Variants in RPL37 observed in about 807,000 individuals in gnomAD.
RPL37 encodes large ribosomal subunit protein eL37.
A neutral mutation model predicts 14.8 loss-of-function variants in RPL37; 1 was observed. That is an observed-to-expected ratio of 0.07 (90% confidence interval 0.02 to 0.32). The LOEUF is 0.32. Ranked by LOEUF, RPL37 falls within the 10% of genes least tolerant of loss-of-function variation. RPL37 has a pLI of 1.00. For synonymous variants in RPL37, 53 were observed against 45.8 expected, an observed-to-expected ratio of 1.16 and a Z score of -0.63; for missense variants, 100 against 128.3, an observed-to-expected ratio of 0.78 and a Z score of 1.06.
rs1745597462 is a variant in RPL37, at chr5:40,829,698, TCAA to T, written c.*2803_*2805del. 6.7e-6 allele frequency: 1 copy of T among 149,256 alleles called. No individual in the cohort carries two copies. Among genetic ancestry groups the T allele is most frequent in the African/African-American group, 2.5e-5 (1 of 40,472 alleles). 9.2% of individuals were successfully genotyped at this position (149,256 alleles called of 1,614,324 possible). A position where few individuals can be genotyped will look rare whatever the true frequency, so the allele number is the denominator to read the frequency against. ...GTGTGTATATATATATATATATATA[TCAA>T]CAATATATAATTGTGTCTCAATTAG... On this transcript the variant is annotated 3_prime_UTR_variant, in exon 4 of 4. Transcript: ENST00000274242.
In RPL37 at chr5:40,834,462, G is replaced by T; in HGVS notation, c.139+9C>A. ...AGCTAACACAGTTGGCCTGAAAAAT[G>T]TTACTTACACTTTCTCTTGCGCTTG... On this transcript the variant is annotated intron_variant, in intron 2 of 3. Transcript: ENST00000274242. 1 of 1,610,236 alleles carries T rather than the reference G, an allele frequency of 6.2e-7. No homozygotes were observed. Among genetic ancestry groups the T allele is most frequent in the Non-Finnish European group, 8.5e-7 (1 of 1,179,006 alleles).
chr5:40,835,203 G>C lies in RPL37; in HGVS notation c.-18C>G. 6.2e-7 allele frequency: 1 copy of C among 1,613,950 alleles called. No individual in the cohort carries two copies. Among genetic ancestry groups the C allele is most frequent in the East Asian group, 2.2e-5 (1 of 44,880 alleles). On this transcript the variant is annotated 5_prime_UTR_variant, in exon 1 of 4. Transcript: ENST00000274242. The stretch of plus-strand genomic sequence containing the variant: ...CTCACCATCTCGCTTCTGCGGCCGA[G>C]ACCAGAAAGACCGGAAGAGAAGGCA...
chr5:40,834,142 G>A lies in RPL37; in HGVS notation c.224+39C>T. 4.3e-6 allele frequency: 6 copies of A among 1,386,504 alleles called. No homozygotes were observed. In the South Asian group the frequency reaches 4.6e-5, roughly 11 times the overall value. 85.9% of individuals were successfully genotyped at this position (1,386,504 alleles called of 1,614,324 possible). Reference sequence around the variant, plus strand: ...AAGTAAACACGAGGGTTTCATTCAAGCCCACTGGACCAATTATGATCGAAC... The same window carrying A: ...AAGTAAACACGAGGGTTTCATTCAAACCCACTGGACCAATTATGATCGAAC... On this transcript the variant is annotated intron_variant, in intron 3 of 3. Coordinates refer to ENST00000274242, the MANE Select transcript of RPL37 (RefSeq NM_000997.5).
rs1336263171 is a variant in RPL37 at position 40,829,968 on chromosome 5, A to G, written c.*2536T>C. 1.3e-5 allele frequency: 2 copies of G among 152,000 alleles called. No individual in the cohort carries two copies. Among genetic ancestry groups the G allele is most frequent in the Admixed American group, 1.3e-4 (2 of 15,238 alleles). 9.4% of individuals were successfully genotyped at this position (152,000 alleles called of 1,614,324 possible). On this transcript the variant is annotated 3_prime_UTR_variant, in exon 4 of 4. Transcript: ENST00000274242. ...GCGACTATAGGACGTGAGCTACCGT[A>G]CCCGGCCGCCACAGATTCAACCTTT...
chr5:40,832,632 A>G (rs1561208285), intron 3 of RPL37, 59 bp from the exon 4 acceptor site: 1 of 1,325,554 alleles, frequency 7.5e-7, no homozygotes, highest in Admixed American at 1.7e-5. Flanking sequence ...ATACATTTTA[A>G]TTTTTGTTAA....
rs995772219 is a variant in RPL37 at position 40,826,019 on chromosome 5, C to T, written c.*6485G>A. 6.6e-6 allele frequency: 1 copy of T among 152,182 alleles called. No individual in the cohort carries two copies. The highest frequency in any genetic ancestry group is 1.5e-5 in the Non-Finnish European group (1 of 68,046). 9.4% of individuals were successfully genotyped at this position (152,182 alleles called of 1,614,324 possible). A position where few individuals can be genotyped will look rare whatever the true frequency, so the allele number is the denominator to read the frequency against. ...CCTCCGCACCCGGCCGCTCCTCAGT[C>T]AATTCTAAACAACTGTCCTCACTTG... On this transcript the variant is annotated 3_prime_UTR_variant, in exon 4 of 4. Transcript: ENST00000274242.
At chr5:40,833,078 A>G (rs1743377425) in intron 3 of RPL37, among the ~76,000 whole-genome samples, 1 of 152,230 alleles carries the variant, frequency 6.6e-6, no homozygotes. Flanking sequence ...GCTTCAGTTC[A>G]AGCTCTTAAC....
rs375712094 is a variant in RPL37 at position 40,834,144 on chromosome 5, C to G, written c.224+37G>C. The G allele has an allele frequency of 1.8e-5, 26 of 1,413,334 alleles. No individual in the cohort carries two copies. The African/African-American group carries it at 3.1e-4, about 17-fold the overall frequency. The allele number at this position is 1,413,334 out of a possible 1,614,324, so 87.5% of individuals were successfully genotyped here. On this transcript the variant is annotated intron_variant, in intron 3 of 3. Coordinates refer to ENST00000274242, the MANE Select transcript of RPL37 (RefSeq NM_000997.5). ...GTAAACACGAGGGTTTCATTCAAGC[C>G]CACTGGACCAATTATGATCGAACAT...
At chr5:40,832,950 T>C (rs1311681977) in intron 3 of RPL37, among the ~76,000 whole-genome samples, 2 of 152,238 alleles carry the variant, frequency 1.3e-5, no homozygotes, top group African/African-American at 4.8e-5. Flanking sequence ...AATTAGCATG[T>C]TTAATGGCAG....
At position 40,828,139 on chromosome 5, in the gene RPL37, C is replaced by G. The variant is rs1249638120; in HGVS notation, c.*4365G>C. On this transcript the variant is annotated 3_prime_UTR_variant, in exon 4 of 4. Transcript: ENST00000274242. Reference sequence around the variant, plus strand: ...TACAGGCAAGGTTAAACTCTGCAAGCAACCCAAAACTCAAAAAGGGCTGAA... The same window carrying G: ...TACAGGCAAGGTTAAACTCTGCAAGGAACCCAAAACTCAAAAAGGGCTGAA... 6.6e-6 allele frequency: 1 copy of G among 152,104 alleles called. No individual in the cohort carries two copies. The highest frequency in any genetic ancestry group is 1.9e-4 in the East Asian group (1 of 5,198). 9.4% of individuals were successfully genotyped at this position (152,104 alleles called of 1,614,324 possible).
At position 40,834,273 on chromosome 5, in the gene RPL37, A is replaced by AT; in HGVS notation, c.140-9dup. 2 of 1,613,328 alleles carry AT rather than the reference A, an allele frequency of 1.2e-6. No homozygotes were observed. The highest frequency in any genetic ancestry group is 1.3e-5 in the African/African-American group (1 of 75,034). ...CCTTGGCACTCCAGTTATCTAAAACATAAGTTCAGAAAAGATTTCAAACGG... is the reference window on the plus strand; with the variant it reads ...CCTTGGCACTCCAGTTATCTAAAACATTAAGTTCAGAAAAGATTTCAAACGG... On this transcript the variant is annotated splice_polypyrimidine_tract_variant and intron_variant, in intron 2 of 3. Transcript: ENST00000274242.
At chr5:40,833,810 C>T (rs1018788114) in intron 3 of RPL37, 4 of 176,060 alleles carry the variant, frequency 2.3e-5, no homozygotes, top group East Asian at 1.7e-4. Context: ...AAGATAAAAG[C>T]TTTCAACATC....
Position 40,826,244 on chromosome 5 carries a change from A to G in RPL37, c.*6260T>C, listed in dbSNP as rs1745515297. 1 of 152,214 alleles carries G rather than the reference A, an allele frequency of 6.6e-6. No homozygotes were observed. Among genetic ancestry groups the G allele is most frequent in the Non-Finnish European group, 1.5e-5 (1 of 68,040 alleles). The allele number at this position is 152,214 out of a possible 1,614,324, so 9.4% of individuals were successfully genotyped here. On this transcript the variant is annotated 3_prime_UTR_variant, in exon 4 of 4. Coordinates refer to ENST00000274242, the MANE Select transcript of RPL37 (RefSeq NM_000997.5). ...GCTACATAAATATAACCTTATTAGA[A>G]TGGGATTTTTCCTACTTTGGGTAAC...
rs1270403298 is a variant in RPL37, at chr5:40,828,094, T to C, written c.*4410A>G. On this transcript the variant is annotated 3_prime_UTR_variant, in exon 4 of 4. Transcript: ENST00000274242. The stretch of plus-strand genomic sequence containing the variant: ...GCTTTTCTTACATGAAGTTATGCTA[T>C]TACAAAATTAAGTTTCAATTACAGG... 6.6e-6 allele frequency: 1 copy of C among 152,188 alleles called. No individual in the cohort carries two copies. Among genetic ancestry groups the C allele is most frequent in the Admixed American group, 6.5e-5 (1 of 15,274 alleles). The allele number at this position is 152,188 out of a possible 1,614,324, so 9.4% of individuals were successfully genotyped here.
chr5:40,827,650 G>T lies in RPL37; in HGVS notation c.*4854C>A, dbSNP rs1374582000. The T allele has an allele frequency of 8.6e-5, 13 of 151,838 alleles. No homozygotes were observed. Among genetic ancestry groups the T allele is most frequent in the Admixed American group, 7.9e-4 (12 of 15,252 alleles). The allele number at this position is 151,838 out of a possible 1,614,324, so 9.4% of individuals were successfully genotyped here. A position where few individuals can be genotyped will look rare whatever the true frequency, so the allele number is the denominator to read the frequency against. Reference sequence around the variant, plus strand: ...TTATTCTACATACTCGTGTACATGAGAACCATTTTTCCATTGCAACTTTTC... The same window carrying T: ...TTATTCTACATACTCGTGTACATGATAACCATTTTTCCATTGCAACTTTTC... On this transcript the variant is annotated 3_prime_UTR_variant, in exon 4 of 4. Coordinates refer to ENST00000274242, the MANE Select transcript of RPL37 (RefSeq NM_000997.5).
chr5:40,835,065 T>G (rs564721456), intron 1 of RPL37, 118 bp downstream of exon 1: 1 of 1,441,736 alleles, frequency 6.9e-7, no homozygotes. Flanking sequence ...CGCATGCCTC[T>G]TTCCAGCCCA....
rs1745598859 is a variant in RPL37, at chr5:40,829,746, C to T, written c.*2758G>A. ...AATTAGAGGTGAGGCCTCTGCAGCT[C>T]ACCGCAACCTCCGTCTCCCAGGTTC... On this transcript the variant is annotated 3_prime_UTR_variant, in exon 4 of 4. Coordinates refer to ENST00000274242, the MANE Select transcript of RPL37 (RefSeq NM_000997.5). The T allele has an allele frequency of 6.6e-6, 1 of 152,004 alleles. No homozygotes were observed. The highest frequency in any genetic ancestry group is 2.4e-5 in the African/African-American group (1 of 41,342). The allele number at this position is 152,004 out of a possible 1,614,324, so 9.4% of individuals were successfully genotyped here.
rs1745645676 is a variant in RPL37, at chr5:40,831,798, T to TCCCA, written c.*702_*705dup. ...GGGCTAAAAAAATTCGACCAAGTAGTCCCACATCATTGCCTTTAGTCTACA... is the reference window on the plus strand; with the variant it reads ...GGGCTAAAAAAATTCGACCAAGTAGTCCCACCCACATCATTGCCTTTAGTCTACA... On this transcript the variant is annotated 3_prime_UTR_variant, in exon 4 of 4. Coordinates refer to ENST00000274242, the MANE Select transcript of RPL37 (RefSeq NM_000997.5). 6.6e-6 allele frequency: 1 copy of TCCCA among 152,350 alleles called. No individual in the cohort carries two copies. The highest frequency in any genetic ancestry group is 1.5e-5 in the Non-Finnish European group (1 of 68,060). The allele number at this position is 152,350 out of a possible 1,614,324, so 9.4% of individuals were successfully genotyped here.
Position 40,832,593 on chromosome 5 carries a change from A to G in RPL37, c.225-20T>C, listed in dbSNP as rs1745666445. ...CCATGCCTGCAGGATGTCAAAAACA[A>G]GAACAAGTTACTTCAGCAACATCGA... On this transcript the variant is annotated intron_variant, in intron 3 of 3. Coordinates refer to ENST00000274242, the MANE Select transcript of RPL37 (RefSeq NM_000997.5). 1.9e-6 allele frequency: 3 copies of G among 1,606,274 alleles called. No homozygotes were observed. Among genetic ancestry groups the G allele is most frequent in the African/African-American group, 2.7e-5 (2 of 74,938 alleles).
Sources: allele counts gnomAD v4.1 joint callset (sites outside exome capture counted in the v4.1 genomes callset), GRCh38; gene constraint gnomAD v4.1.1; transcripts MANE v1.5; gene names NCBI Gene and HGNC (gene_info 2026-07-23, HGNC 2026-07-21).